Variants in GSG1L observed in about 807,000 individuals in gnomAD.
The protein encoded by GSG1L is GSG1 like, also known as germ cell-specific gene 1-like protein.
A neutral mutation model predicts 42.1 loss-of-function variants in GSG1L; 24 were observed. The observed-to-expected ratio is 0.57, with a 90% CI of 0.41 to 0.80. The LOEUF is 0.80. GSG1L is among the 30% of genes least tolerant of loss of function. The pLI is 0.00. For missense variants in GSG1L, 445 were observed against 472.2 expected, an observed-to-expected ratio of 0.94 and a Z score of 0.53; for synonymous variants, 215 against 203.5, an observed-to-expected ratio of 1.06 and a Z score of -0.48.
chr16:27,799,495 T>C (rs2082858515), intron 6 of GSG1L, among the ~76,000 whole-genome samples: 1 of 152,130 alleles, frequency 6.6e-6, no homozygotes, highest in Non-Finnish European at 1.5e-5. Flanking sequence ...CAGTGAACTA[T>C]AATCACATCA....
At chr16:27,810,988 CA>C (rs544812273) in intron 5 of GSG1L, among the ~76,000 whole-genome samples, 6 of 150,412 alleles carry the variant, frequency 4.0e-5, no homozygotes, top group Non-Finnish European at 8.9e-5. Flanking sequence ...ACGCCCGGCC[CA>C]AAAAAGTCTT....
intron 1 of GSG1L, among the ~76,000 whole-genome samples, chr16:27,973,369 C>T (rs576536997): frequency 1.4e-4 from 18 of 132,798 alleles, no homozygotes; most frequent in African/African-American, 5.0e-4. Context: ...ACTTGAACCC[C>T]GGAGGTGGAG....
At chr16:27,996,468 C>A (rs1243894941) in intron 1 of GSG1L, among the ~76,000 whole-genome samples, 1 of 151,944 alleles carries the variant, frequency 6.6e-6, no homozygotes, top group Non-Finnish European at 1.5e-5. Context: ...AACATACATT[C>A]AACTTATGGA....
At chr16:27,869,706 T>C (rs1465451810) in intron 3 of GSG1L, among the ~76,000 whole-genome samples, 1 of 141,432 alleles carries the variant, frequency 7.1e-6, no homozygotes, top group Non-Finnish European at 1.5e-5. Flanking sequence ...TCCCTCCATT[T>C]CTCTCTCCTT....
intron 1 of GSG1L, among the ~76,000 whole-genome samples, chr16:28,036,214 G>A (rs992074776): frequency 6.6e-6 from 1 of 152,072 alleles, no homozygotes; most frequent in African/African-American, 2.4e-5. Context: ...ACGTGGTCAC[G>A]CAGGAAGGCA....
At chr16:28,010,183 G>C (rs2085698655) in intron 1 of GSG1L, among the ~76,000 whole-genome samples, 1 of 152,148 alleles carries the variant, frequency 6.6e-6, no homozygotes, top group Non-Finnish European at 1.5e-5. Flanking sequence ...ACTGTGCAAT[G>C]GAACCTCCCA....
chr16:27,923,434 T>G (rs1567520225), intron 2 of GSG1L, among the ~76,000 whole-genome samples: 2 of 152,134 alleles, frequency 1.3e-5, no homozygotes, highest in Non-Finnish European at 2.9e-5. Context: ...TCCTCACCAG[T>G]GCATGCATGT....
chr16:27,975,242 C>T (rs901396034), intron 1 of GSG1L, among the ~76,000 whole-genome samples: 1 of 152,138 alleles, frequency 6.6e-6, no homozygotes, highest in Admixed American at 6.5e-5. Context: ...TCTTTCTCTC[C>T]TTCTGCCCTC....
intron 3 of GSG1L, among the ~76,000 whole-genome samples, chr16:27,877,624 C>A (rs1323549141): frequency 6.6e-6 from 1 of 152,100 alleles, no homozygotes; most frequent in Non-Finnish European, 1.5e-5. Flanking sequence ...GGGGGGCCAC[C>A]TTCCTATATA....
intron 2 of GSG1L, among the ~76,000 whole-genome samples, chr16:27,949,437 T>A (rs999059031): frequency 1.1e-4 from 17 of 152,280 alleles, no homozygotes; most frequent in African/African-American, 3.9e-4. Flanking sequence ...TGAACAGCCC[T>A]TCGTTGAAAG....
intron 1 of GSG1L, among the ~76,000 whole-genome samples, chr16:28,009,084 C>T (rs1287297295): frequency 6.6e-6 from 1 of 152,200 alleles, no homozygotes; most frequent in Non-Finnish European, 1.5e-5. Context: ...ACTGGGATTA[C>T]AGGAGTAAGC....
intron 1 of GSG1L, among the ~76,000 whole-genome samples, chr16:28,055,286 GC>G (rs1489821631): frequency 6.6e-6 from 1 of 152,092 alleles, no homozygotes; most frequent in Non-Finnish European, 1.5e-5. Context: ...CTCCTGAGTA[GC>G]TGGGACTTAC....
In GSG1L at chr16:27,915,196, T is replaced by TACACACACAC. The variant is rs66820312; in HGVS notation, c.398-30568_398-30559dup. Among the ~76,000 whole-genome samples the TACACACACAC allele has an allele frequency of 4.8e-4, 59 of 121,856 alleles. No individual in the cohort carries two copies. In the East Asian group the frequency reaches 9.7e-3, roughly 20 times the overall value. The allele number at this position is 121,856 out of a possible 152,430, so 79.9% of individuals were successfully genotyped here. A position where few individuals can be genotyped will look rare whatever the true frequency, so the allele number is the denominator to read the frequency against. ...GAGGTGTCTCTTCCCCCAGAGGATGTACACACACACACACACACACACACA... is the reference window on the plus strand; with the variant it reads ...GAGGTGTCTCTTCCCCCAGAGGATGTACACACACACACACACACACACACACACACACACA... On this transcript the variant is annotated intron_variant, in intron 2 of 6. Transcript: ENST00000447459.
chr16:27,953,039 A>G (rs2084966653), intron 2 of GSG1L, among the ~76,000 whole-genome samples: 3 of 152,218 alleles, frequency 2.0e-5, no homozygotes, highest in African/African-American at 7.2e-5. Flanking sequence ...TATTCTTTTG[A>G]ATGCAGCTTC....
chr16:28,036,264 T>C (rs2086035072), intron 1 of GSG1L, among the ~76,000 whole-genome samples: 1 of 152,044 alleles, frequency 6.6e-6, no homozygotes, highest in Non-Finnish European at 1.5e-5. Flanking sequence ...CACTACCACC[T>C]CCCGAAGCTG....
intron 2 of GSG1L, among the ~76,000 whole-genome samples, chr16:27,950,648 C>T (rs929724245): frequency 1.3e-5 from 2 of 152,052 alleles, no homozygotes; most frequent in Non-Finnish European, 2.9e-5. Context: ...AGAGGCTGAG[C>T]CTGACTCTGA....
At chr16:27,943,920 G>C (rs993790097) in intron 2 of GSG1L, among the ~76,000 whole-genome samples, 19 of 152,064 alleles carry the variant, frequency 1.2e-4, no homozygotes, top group African/African-American at 4.3e-4. Context: ...ATTTTATGTT[G>C]TGCAAGACAG....
In GSG1L at chr16:27,824,086, A is replaced by T. The variant is rs146099131; in HGVS notation, c.830+4703T>A. ...CCATCTCCATCCTAAGCTGGTCATG[A>T]CCAAGCTCATGCTTCACTCTGGGGT... On this transcript the variant is annotated intron_variant, in intron 5 of 6. Coordinates refer to ENST00000447459, the MANE Select transcript of GSG1L (RefSeq NM_001109763.2). Among the ~76,000 whole-genome samples, 634 of 152,294 alleles carry T rather than the reference A, an allele frequency of 4.2e-3. 8 individuals carry two copies. The highest frequency in any genetic ancestry group is 0.015 in the African/African-American group (606 of 41,560).
In GSG1L at chr16:28,040,245, C is replaced by T. The variant is rs1441658925; in HGVS notation, c.349+22831G>A. Among the ~76,000 whole-genome samples, 2 of 152,188 alleles carry T rather than the reference C, an allele frequency of 1.3e-5. No homozygotes were observed. The highest frequency in any genetic ancestry group is 2.9e-5 in the Non-Finnish European group (2 of 68,028). On this transcript the variant is annotated intron_variant, in intron 1 of 6. Coordinates refer to ENST00000447459, the MANE Select transcript of GSG1L (RefSeq NM_001109763.2). This position sits in a 1 kb window ranked among gnomAD's most constrained non-coding sequence, Gnocchi z 4.1. ...TCCCACCCGAGGGCCTTTTCACTTG[C>T]GATTGCCTCCGTCTGAGGCTCTTTC...
Sources: gnomAD v4.1 joint callset for allele counts (sites outside exome capture counted in the v4.1 genomes callset) on GRCh38, gnomAD v4.1.1 for gene constraint, Gnocchi (gnomAD v3.1) non-coding constraint, MANE v1.5 for transcripts, NCBI Gene and HGNC (gene_info 2026-07-23, HGNC 2026-07-21) for gene names.